CRACD: variants seen among roughly 807,000 people sequenced by gnomAD.
The protein encoded by CRACD is capping protein inhibiting regulator of actin dynamics, also known as capping protein-inhibiting regulator of actin dynamics.
In CRACD, 56 loss-of-function variants were observed where a neutral mutation model predicts 106.8. The observed-to-expected ratio is 0.52, with a 90% CI of 0.42 to 0.66. CRACD has a LOEUF of 0.66. Among genes scored for constraint, CRACD ranks in the 30% least tolerant of loss-of-function variants. The probability of loss-of-function intolerance (pLI) is 0.00; values close to 1 mark genes in which losing one functional copy is unlikely to be tolerated. For synonymous variants in CRACD, 754 were observed against 670.8 expected, an observed-to-expected ratio of 1.12 and a Z score of -1.92; for missense variants, 1,730 against 1,623.2, an observed-to-expected ratio of 1.07 and a Z score of -1.13.
intron 2 of CRACD, among the ~76,000 whole-genome samples, chr4:56,216,872 C>T (rs887027110): frequency 2.5e-4 from 37 of 149,112 alleles, no homozygotes; most frequent in South Asian, 2.1e-4. Flanking sequence ...CCCAGCTACT[C>T]GGGAGGCTGA....
chr4:56,117,187 A>AT (rs1050302748), intron 1 of CRACD, among the ~76,000 whole-genome samples: 3 of 151,374 alleles, frequency 2.0e-5, no homozygotes, highest in African/African-American at 7.3e-5. Context: ...CGCCTGGCTA[A>AT]TTTTTTTGTA....
In CRACD at chr4:56,316,256, G is replaced by A; in HGVS notation, c.2754G>A (p.Arg918=). The A allele has an allele frequency of 6.2e-7, 1 of 1,613,972 alleles. No individual in the cohort carries two copies. The highest frequency in any genetic ancestry group is 8.5e-7 in the Non-Finnish European group (1 of 1,179,846). The change falls in exon 8 of 11, where the codon AGG becomes AGA. Residue 918 remains arginine, a synonymous_variant. Transcript: ENST00000682029. ...QERKQAPSTR[R]DSAEPSSSRS... is the part of the protein sequence containing the mutation. Reference sequence around the variant, plus strand: ...GGAAGCAAGCCCCTTCCACCCGGAGGGACTCCGCTGAACCTTCCAGCAGCC... The same window carrying A: ...GGAAGCAAGCCCCTTCCACCCGGAGAGACTCCGCTGAACCTTCCAGCAGCC...
rs1046066592 is a variant in CRACD at position 56,265,864 on chromosome 4, G to A, written c.-188-6457G>A. On this transcript the variant is annotated intron_variant, in intron 2 of 10. Coordinates refer to ENST00000682029, the MANE Select transcript of CRACD (RefSeq NM_001393381.1). ...CTAGAAATCCAATGCAGAGGAATTG[G>A]ATGCTTTTATTATTGTAGGTTTAGA... Among the ~76,000 whole-genome samples, 16 of 152,272 alleles carry A rather than the reference G, an allele frequency of 1.1e-4. 1 individual carries two copies. Among genetic ancestry groups the A allele is most frequent in the Middle Eastern group, 3.4e-3 (1 of 294 alleles).
In CRACD at chr4:56,105,869, T is replaced by C. The variant is rs572701492; in HGVS notation, c.-336+56570T>C. On this transcript the variant is annotated intron_variant, in intron 1 of 10. Transcript: ENST00000682029. The stretch of plus-strand genomic sequence containing the variant: ...TCTGCAAATTCATTCCTGTAAAATG[T>C]AATTGCTTCTTTTTGAGCTTTTGGT... Among the ~76,000 whole-genome samples, 8 of 152,364 alleles carry C rather than the reference T, an allele frequency of 5.3e-5. No individual in the cohort carries two copies. In the South Asian group the frequency reaches 8.3e-4, roughly 16 times the overall value.
rs921036595 is a variant in CRACD at position 56,084,831 on chromosome 4, T to C, written c.-336+35532T>C. Among the ~76,000 whole-genome samples, 8 of 152,210 alleles carry C rather than the reference T, an allele frequency of 5.3e-5. No individual in the cohort carries two copies. In the East Asian group the frequency reaches 1.3e-3, roughly 26 times the overall value. On this transcript the variant is annotated intron_variant, in intron 1 of 10. Coordinates refer to ENST00000682029, the MANE Select transcript of CRACD (RefSeq NM_001393381.1). ...AGTTCTGTACTGGGGTTATTACCAT[T>C]TGGATTTTCCTTGGAAGTTTCTAGG... is the stretch of plus-strand genomic sequence containing the variant.
intron 1 of CRACD, among the ~76,000 whole-genome samples, chr4:56,160,566 T>C (rs1315463283): frequency 6.6e-6 from 1 of 152,226 alleles, no homozygotes; most frequent in African/African-American, 2.4e-5. Context: ...AGAAGACAGA[T>C]GCTGCATGAT....
chr4:56,260,401 T>C (rs1741623983), intron 2 of CRACD, among the ~76,000 whole-genome samples: 1 of 152,230 alleles, frequency 6.6e-6, no homozygotes, highest in South Asian at 2.1e-4. Flanking sequence ...AAAGGATGAC[T>C]TTCTTATTGA....
intron 10 of CRACD, 37 bp from the exon 11 acceptor site, chr4:56,327,607 A>AACTT: frequency 1.9e-6 from 3 of 1,589,926 alleles, no homozygotes; most frequent in Non-Finnish European, 2.6e-6. Flanking sequence ...TGTGGCTGTG[A>AACTT]ACTTACTTTT....
Position 56,208,959 on chromosome 4 carries a change from A to G in CRACD, c.-189+29529A>G, listed in dbSNP as rs563381317. Among the ~76,000 whole-genome samples the G allele has an allele frequency of 1.1e-4, 17 of 152,206 alleles. 1 individual carries two copies. The highest frequency in any genetic ancestry group is 3.4e-3 in the Middle Eastern group (1 of 294). On this transcript the variant is annotated intron_variant, in intron 2 of 10. Transcript: ENST00000682029. ...CTAAAGACCTGAGAAAGACAGCGTG[A>G]GGCAGAATCTGTCTCTCTCTCTCTT...
chr4:56,063,337 T>G (rs1159870775), intron 1 of CRACD, among the ~76,000 whole-genome samples: 5 of 152,064 alleles, frequency 3.3e-5, no homozygotes, highest in Non-Finnish European at 7.4e-5. Context: ...GGATCATAGG[T>G]GTGAACCACT....
intron 1 of CRACD, among the ~76,000 whole-genome samples, chr4:56,137,802 A>G (rs1735057009): frequency 6.6e-6 from 1 of 152,218 alleles, no homozygotes; most frequent in Non-Finnish European, 1.5e-5. Flanking sequence ...GCAATGAGCT[A>G]TGGCAGCACC....
At chr4:56,243,029 C>T (rs1740458512) in intron 2 of CRACD, among the ~76,000 whole-genome samples, 1 of 152,114 alleles carries the variant, frequency 6.6e-6, no homozygotes, top group Non-Finnish European at 1.5e-5. Flanking sequence ...CCTGATGTCC[C>T]CCACTGTCTA....
chr4:56,133,667 A>G (rs1489045870), intron 1 of CRACD, among the ~76,000 whole-genome samples: 1 of 152,234 alleles, frequency 6.6e-6, no homozygotes, highest in Non-Finnish European at 1.5e-5. Context: ...ATGAAATTAC[A>G]AGGACAATTC....
At chr4:56,262,616 A>T (rs1351189692) in intron 2 of CRACD, among the ~76,000 whole-genome samples, 2 of 152,172 alleles carry the variant, frequency 1.3e-5, no homozygotes, top group Non-Finnish European at 2.9e-5. Flanking sequence ...AAACCAAAAG[A>T]TTGGACACTC....
At chr4:56,251,285 C>G (rs1390806725) in intron 2 of CRACD, among the ~76,000 whole-genome samples, 2 of 152,160 alleles carry the variant, frequency 1.3e-5, no homozygotes, top group African/African-American at 2.4e-5. Flanking sequence ...GGCATCTAAC[C>G]TTGTTCAGTT....
intron 2 of CRACD, among the ~76,000 whole-genome samples, chr4:56,224,912 G>GA (rs1279909542): frequency 2.0e-5 from 3 of 152,110 alleles, no homozygotes; most frequent in African/African-American, 4.8e-5. Flanking sequence ...CCCTGAAGTT[G>GA]GGAGCCAACT....
intron 2 of CRACD, among the ~76,000 whole-genome samples, chr4:56,183,985 AT>A (rs1246586707): frequency 6.6e-6 from 1 of 152,092 alleles, no homozygotes; most frequent in Admixed American, 6.5e-5. Context: ...TTAACAGCAA[AT>A]TGCTTTGGAT....
chr4:56,125,764 CTTTTT>C (rs11289899), intron 1 of CRACD, among the ~76,000 whole-genome samples: 4 of 73,302 alleles, frequency 5.5e-5, no homozygotes, highest in African/African-American at 2.2e-4. Context: ...CATTCTTCTT[CTTTTT>C]TTTTTTTTTT....
intron 2 of CRACD, among the ~76,000 whole-genome samples, chr4:56,232,402 A>G (rs1190147851): frequency 6.6e-6 from 1 of 151,952 alleles, no homozygotes; most frequent in Non-Finnish European, 1.5e-5. Flanking sequence ...TCCCCTCTTG[A>G]TGGATATTTG....
Sources: gnomAD v4.1 joint callset for allele counts (sites outside exome capture counted in the v4.1 genomes callset) on GRCh38, gnomAD v4.1.1 for gene constraint, MANE v1.5 for transcripts, NCBI Gene and HGNC (gene_info 2026-07-23, HGNC 2026-07-21) for gene names.